Variants in KLF8 observed in about 807,000 individuals in gnomAD.
KLF8 encodes Krueppel-like factor 8.
In KLF8, 10 loss-of-function variants were observed where a neutral mutation model predicts 18.2. That is an observed-to-expected ratio of 0.55 (90% CI 0.34 to 0.93). The LOEUF (loss-of-function observed/expected upper bound fraction) is 0.93. Among genes scored for constraint, KLF8 ranks in the 40% least tolerant of loss-of-function variants. The pLI, the probability that KLF8 is intolerant of heterozygous loss-of-function variation, is 0.02. For synonymous variants in KLF8, 109 were observed against 97.3 expected (o/e 1.12, Z -0.71); for missense variants, 264 against 277.9 (o/e 0.95, Z 0.36).
At chrX:56,112,870 C>T in the KLF8 span, among the ~76,000 whole-genome samples, 1 of 111,441 alleles carries the variant, frequency 9.0e-6, no homozygotes, top group Non-Finnish European at 1.9e-5. Context: ...TTTTCTGTAG[C>T]TTTTAATTTT....
At chrX:56,208,940 C>G in the KLF8 span, among the ~76,000 whole-genome samples, 1 of 112,009 alleles carries the variant, frequency 8.9e-6, no homozygotes, top group Non-Finnish European at 1.9e-5. Context: ...TTCTGCAGCT[C>G]TTGAATAAAA....
the KLF8 span, among the ~76,000 whole-genome samples, chrX:56,111,259 C>T: frequency 0.53 from 58,702 of 110,903 alleles, 13,664 homozygotes; most frequent in Non-Finnish European, 0.73. Context: ...TTGCTCCTCT[C>T]AGGATTCTCT....
chrX:56,196,647 G>A, the KLF8 span, among the ~76,000 whole-genome samples: 73 of 111,177 alleles, frequency 6.6e-4, no homozygotes, highest in African/African-American at 2.4e-3. Context: ...CAATAATAAT[G>A]GGAGACTTTA....
the KLF8 span, among the ~76,000 whole-genome samples, chrX:56,157,899 A>T: frequency 3.5e-3 from 391 of 111,372 alleles, 2 homozygotes; most frequent in Non-Finnish European, 4.7e-3. Flanking sequence ...GTTTAATTAG[A>T]TCCCATTTGT....
the KLF8 span, among the ~76,000 whole-genome samples, chrX:56,191,261 G>T: frequency 9.0e-6 from 1 of 111,557 alleles, no homozygotes; most frequent in Admixed American, 9.5e-5. Flanking sequence ...TGAACCACAA[G>T]GAAATTTGAA....
the KLF8 span, among the ~76,000 whole-genome samples, chrX:56,188,317 T>C: frequency 1.8e-5 from 2 of 111,481 alleles, no homozygotes; most frequent in East Asian, 2.8e-4. Context: ...TTACAAGGGA[T>C]GTGAAGGACC....
the KLF8 span, among the ~76,000 whole-genome samples, chrX:56,103,319 G>A: frequency 7.2e-5 from 8 of 111,229 alleles, no homozygotes; most frequent in Admixed American, 9.5e-5. Flanking sequence ...CCATTTTCAC[G>A]ATACTGATTC....
chrX:56,264,432 GT>G (rs1387131654), intron 2 of KLF8, among the ~76,000 whole-genome samples: 1 of 106,448 alleles, frequency 9.4e-6, no homozygotes, highest in Non-Finnish European at 1.9e-5. Context: ...TAATAAATTG[GT>G]TTTTTAAACT....
At chrX:56,001,782 C>A in the KLF8 span, among the ~76,000 whole-genome samples, 1 of 111,914 alleles carries the variant, frequency 8.9e-6, no homozygotes, top group South Asian at 3.7e-4. Context: ...AGTACTTATT[C>A]TCTACATGAA....
At chrX:56,047,216 G>GT in the KLF8 span, among the ~76,000 whole-genome samples, 98 of 106,189 alleles carry the variant, frequency 9.2e-4, 1 homozygote, top group Middle Eastern at 4.9e-3. Context: ...AAGTTGTGAT[G>GT]TTTTTTTTTA....
chrX:55,930,395 C>T, the KLF8 span, among the ~76,000 whole-genome samples: 2 of 111,667 alleles, frequency 1.8e-5, no homozygotes, highest in African/African-American at 6.5e-5. Flanking sequence ...TACCTGATTG[C>T]CCTGGCCAGA....
At chrX:56,103,372 C>T in the KLF8 span, among the ~76,000 whole-genome samples, 13 of 111,418 alleles carry the variant, frequency 1.2e-4, no homozygotes, top group South Asian at 1.9e-3. Flanking sequence ...TTGTTTGTAT[C>T]CTCTTTTATT....
At chrX:55,969,652 G>A in the KLF8 span, among the ~76,000 whole-genome samples, 1 of 111,464 alleles carries the variant, frequency 9.0e-6, no homozygotes. Context: ...GAAACAAAAA[G>A]TTGTGGTTTT....
At chrX:55,980,392 G>A in the KLF8 span, among the ~76,000 whole-genome samples, 7 of 111,328 alleles carry the variant, frequency 6.3e-5, no homozygotes, top group Non-Finnish European at 1.3e-4. Context: ...TCACACATAG[G>A]GAATAGAGGA....
chrX:56,220,635 G>A, the KLF8 span, among the ~76,000 whole-genome samples: 2 of 110,915 alleles, frequency 1.8e-5, no homozygotes, highest in Non-Finnish European at 3.8e-5. Flanking sequence ...ACAGGCATGC[G>A]CCACCACACC....
At chrX:55,944,936 T>G in the KLF8 span, among the ~76,000 whole-genome samples, 2 of 111,590 alleles carry the variant, frequency 1.8e-5, 1 homozygote, top group South Asian at 7.6e-4. Context: ...GTGTCAATTT[T>G]GGATCTTTCC....
the KLF8 span, among the ~76,000 whole-genome samples, chrX:56,100,627 G>C: frequency 0.53 from 58,478 of 110,206 alleles, 13,680 homozygotes; most frequent in Non-Finnish European, 0.73. Context: ...ACATTAACAG[G>C]AGTTTGGAAG....
chrX:55,986,879 T>C, the KLF8 span, among the ~76,000 whole-genome samples: 1 of 111,692 alleles, frequency 9.0e-6, no homozygotes, highest in Non-Finnish European at 1.9e-5. Context: ...ATGTAGTATC[T>C]GGTTTTCTGT....
chrX:55,962,344 G>T, the KLF8 span: 2 of 203,283 alleles, frequency 9.8e-6, no homozygotes, highest in Non-Finnish European at 1.9e-5. Flanking sequence ...GTTTCACAGG[G>T]CTAAAGCCTG....
Sources: gnomAD v4.1 joint callset for allele counts (sites outside exome capture counted in the v4.1 genomes callset) on GRCh38, gnomAD v4.1.1 for gene constraint, MANE v1.5 for transcripts, NCBI Gene and HGNC (gene_info 2026-07-23, HGNC 2026-07-21) for gene names.